The following ROR1 variants were observed in gnomAD, a reference collection of about 807,000 sequenced individuals.
The protein encoded by ROR1 is ROR family WNT receptor 1.
Under a neutral mutation model 78.8 loss-of-function variants are expected in ROR1, and 19 were observed. The observed-to-expected ratio is 0.24, with a 90% confidence interval of 0.17 to 0.35. ROR1 has a LOEUF of 0.35. ROR1 is among the 10% of genes least tolerant of loss of function. The probability of loss-of-function intolerance (pLI) is 1.00; values close to 1 mark genes in which losing one functional copy is unlikely to be tolerated. For synonymous variants in ROR1, 386 were observed against 433.6 expected (o/e 0.89, Z 1.36); for missense variants, 917 against 1,177.8 (o/e 0.78, Z 3.24).
chr1:64,113,290 G>A (rs908166556), intron 4 of ROR1, among the ~76,000 whole-genome samples: 3 of 152,142 alleles, frequency 2.0e-5, no homozygotes, highest in African/African-American at 4.8e-5. Flanking sequence ...GCCTAACACC[G>A]TGCATTTCAC....
intron 7 of ROR1, among the ~76,000 whole-genome samples, chr1:64,145,554 G>A (rs2100716497): frequency 6.6e-6 from 1 of 152,086 alleles, no homozygotes; most frequent in East Asian, 1.9e-4. Context: ...ACTTTCATAC[G>A]TATTACAAAG....
chr1:63,877,204 C>T (rs1457018541), intron 1 of ROR1, among the ~76,000 whole-genome samples: 1 of 151,982 alleles, frequency 6.6e-6, no homozygotes, highest in Non-Finnish European at 1.5e-5. Flanking sequence ...ATAACTTTGC[C>T]CAGAGTTGAA....
chr1:63,974,869 G>A (rs190407915), intron 1 of ROR1, among the ~76,000 whole-genome samples: 8 of 152,240 alleles, frequency 5.3e-5, no homozygotes, highest in Admixed American at 3.3e-4. Context: ...GAGGTATGAG[G>A]GGGACAGTGC....
intron 1 of ROR1, among the ~76,000 whole-genome samples, chr1:63,895,792 T>G (rs1645434548): frequency 6.6e-6 from 1 of 152,206 alleles, no homozygotes; most frequent in South Asian, 2.1e-4. Flanking sequence ...TTTACAATTT[T>G]TTCTTTTCGT....
intron 4 of ROR1, among the ~76,000 whole-genome samples, chr1:64,089,741 G>A (rs1647180418): frequency 6.6e-6 from 1 of 152,176 alleles, no homozygotes. Flanking sequence ...GAAAAGGTTT[G>A]TTATTCACAG....
intron 1 of ROR1, among the ~76,000 whole-genome samples, chr1:63,908,184 C>A (rs946586655): frequency 6.6e-6 from 1 of 152,114 alleles, no homozygotes; most frequent in Non-Finnish European, 1.5e-5. Context: ...CAAGAGTTGT[C>A]GGATATGGGT....
intron 8 of ROR1, among the ~76,000 whole-genome samples, chr1:64,160,866 A>G (rs1035193001): frequency 2.0e-5 from 3 of 152,216 alleles, no homozygotes; most frequent in Non-Finnish European, 4.4e-5. Flanking sequence ...TTTTGGTTAC[A>G]GCAGACGGCA....
intron 4 of ROR1, among the ~76,000 whole-genome samples, chr1:64,120,213 A>G (rs1648479780): frequency 6.8e-6 from 1 of 147,512 alleles, no homozygotes; most frequent in Non-Finnish European, 1.5e-5. Context: ...TTTCCCATGA[A>G]CAGGACCATG....
At chr1:63,867,283 G>A (rs1471389017) in intron 1 of ROR1, among the ~76,000 whole-genome samples, 1 of 152,138 alleles carries the variant, frequency 6.6e-6, no homozygotes, top group Non-Finnish European at 1.5e-5. Context: ...GTTAGACCAG[G>A]TGGTTTCACA....
At chr1:63,779,895 C>T (rs1013382038) in intron 1 of ROR1, among the ~76,000 whole-genome samples, 3 of 152,088 alleles carry the variant, frequency 2.0e-5, no homozygotes, top group African/African-American at 7.2e-5. Flanking sequence ...GAGTGAATTA[C>T]ATTGGAAGAG....
chr1:64,034,351 C>T (rs1280738051), intron 2 of ROR1, among the ~76,000 whole-genome samples: 1 of 152,022 alleles, frequency 6.6e-6, no homozygotes, highest in African/African-American at 2.4e-5. Context: ...CTTTTGTTTG[C>T]TTTTCCACTG....
intron 4 of ROR1, chr1:64,110,706 A>G (rs1380394683): frequency 1.3e-5 from 2 of 152,092 alleles, no homozygotes; most frequent in African/African-American, 4.8e-5. Context: ...CAGATGGGAA[A>G]CCAAGGCCAG....
intron 4 of ROR1, among the ~76,000 whole-genome samples, chr1:64,132,760 CAAA>C (rs749607703): frequency 0.11 from 7,713 of 69,778 alleles, 202 homozygotes; most frequent in African/African-American, 0.23. Flanking sequence ...GACTCCATCT[CAAA>C]AAAAAAAAAA....
At chr1:64,131,466 G>A (rs574510830) in intron 4 of ROR1, among the ~76,000 whole-genome samples, 58 of 151,912 alleles carry the variant, frequency 3.8e-4, no homozygotes, top group African/African-American at 1.4e-3. Flanking sequence ...CTACCCCCAC[G>A]ACCTCCCCCA....
At chr1:64,074,190 A>G (rs1647030736) in intron 4 of ROR1, among the ~76,000 whole-genome samples, 1 of 152,138 alleles carries the variant, frequency 6.6e-6, no homozygotes. Context: ...GGGTGGCCAC[A>G]TGACCAAGCC....
At chr1:63,887,915 G>T (rs855848) in intron 1 of ROR1, among the ~76,000 whole-genome samples, 2 of 152,152 alleles carry the variant, frequency 1.3e-5, no homozygotes, top group African/African-American at 4.8e-5. Flanking sequence ...TTAATCTTCA[G>T]AATGACACCT....
intron 4 of ROR1, among the ~76,000 whole-genome samples, chr1:64,104,011 T>G (rs1647679498): frequency 6.6e-6 from 1 of 152,110 alleles, no homozygotes; most frequent in Non-Finnish European, 1.5e-5. Flanking sequence ...CTGCTAAATA[T>G]CGTACAGTGC....
In ROR1 at chr1:63,900,615, A is replaced by G. The variant is rs191029488; in HGVS notation, c.92-108690A>G. 3.3e-5 allele frequency among the ~76,000 whole-genome samples: 5 copies of G among 152,232 alleles called. No homozygotes were observed. The East Asian group carries it at 9.7e-4, about 29-fold the overall frequency. The stretch of plus-strand genomic sequence containing the variant: ...ATTGAGGTCTGTGTAATTAATATGA[A>G]TAATTATTACCATTTTTCTTACATT... On this transcript the variant is annotated intron_variant, in intron 1 of 8. Transcript: ENST00000371079.
Position 63,836,243 on chromosome 1 carries a change from A to G in ROR1, c.91+61735A>G, listed in dbSNP as rs189295585. ...AGTCCAAGCCCTAAGCCTCAACACC[A>G]TAGTCCGTCCATGATTCACACTCAT... is the stretch of plus-strand genomic sequence containing the variant. On this transcript the variant is annotated intron_variant, in intron 1 of 8. Coordinates refer to ENST00000371079, the MANE Select transcript of ROR1 (RefSeq NM_005012.4). 2.6e-5 allele frequency among the ~76,000 whole-genome samples: 4 copies of G among 152,300 alleles called. No individual in the cohort carries two copies. The East Asian group carries it at 5.8e-4, about 22-fold the overall frequency.
Sources: allele counts gnomAD v4.1 joint callset (sites outside exome capture counted in the v4.1 genomes callset), GRCh38; gene constraint gnomAD v4.1.1; transcripts MANE v1.5; gene names NCBI Gene and HGNC (gene_info 2026-07-23, HGNC 2026-07-21).